The following XK variants were observed in gnomAD, a reference collection of about 807,000 sequenced individuals.
The protein encoded by XK is X-linked Kx blood group antigen, Kell and VPS13A binding protein, also known as endoplasmic reticulum membrane adapter protein XK.
XK carries 2 observed loss-of-function variants against 14.0 expected under a neutral mutation model. That is an observed-to-expected ratio of 0.14 (90% CI 0.06 to 0.45). XK has a LOEUF of 0.45. XK is among the 20% of genes least tolerant of loss of function. The pLI, the probability that XK is intolerant of heterozygous loss-of-function variation, is 0.98. For synonymous variants in XK, 149 were observed against 147.5 expected, an observed-to-expected ratio of 1.01 and a Z score of -0.08; for missense variants, 235 against 341.5, an observed-to-expected ratio of 0.69 and a Z score of 2.46.
At chrX:37,720,890 G>A (rs1201017742) in intron 2 of XK, among the ~76,000 whole-genome samples, 6 of 110,905 alleles carry the variant, frequency 5.4e-5, no homozygotes, top group Admixed American at 1.9e-4. Context: ...ATTATATATC[G>A]CATTTTCTTT....
intron 2 of XK, among the ~76,000 whole-genome samples, chrX:37,696,611 G>A (rs1403380730): frequency 2.7e-5 from 3 of 112,857 alleles, no homozygotes; most frequent in African/African-American, 9.7e-5. Context: ...GCATGGTCTA[G>A]GGTGTGCCAC....
At chrX:37,688,059 CTT>C (rs1222330719) in intron 1 of XK, among the ~76,000 whole-genome samples, 848 of 54,464 alleles carry the variant, frequency 0.016, 17 homozygotes, top group African/African-American at 0.083. Context: ...TTCTTTCTTT[CTT>C]TTTTTTTTTT....
chrX:37,700,770 C>T (rs782366084), intron 2 of XK, among the ~76,000 whole-genome samples: 3 of 110,688 alleles, frequency 2.7e-5, no homozygotes, highest in East Asian at 2.8e-4. Context: ...GACTGAGGTG[C>T]GGGAGGCTTT....
chrX:37,691,504 C>T (rs1602144785), intron 1 of XK, among the ~76,000 whole-genome samples: 2 of 111,849 alleles, frequency 1.8e-5, no homozygotes, highest in South Asian at 7.5e-4. Context: ...GGAAAACAAG[C>T]CCTGATTTTC....
At position 37,727,739 on chromosome X, in the gene XK, G is replaced by A. The variant is rs1556450334; in HGVS notation, c.612G>A (p.Lys204=). The change falls in exon 3 of 3, where the codon AAG becomes AAA. Residue 204 remains lysine (K), a synonymous_variant. Coordinates refer to ENST00000378616, the MANE Select transcript of XK (RefSeq NM_021083.4). ...ACGATGAGTATGAAGTCAAAGTGAA[G>A]CCTCTGGCCTATGTCTGTATCTTCC... is the stretch of plus-strand genomic sequence containing the variant. ...IKYDEYEVKV[K]PLAYVCIFLW... The A allele has an allele frequency of 8.3e-7, 1 of 1,211,378 alleles. No individual in the cohort carries two copies. Among genetic ancestry groups the A allele is most frequent in the Admixed American group, 2.2e-5 (1 of 45,971 alleles).
rs782271500 is a variant in XK, at chrX:37,707,342, C to T, written c.508+12794C>T. On this transcript the variant is annotated intron_variant, in intron 2 of 2. Transcript: ENST00000378616. The stretch of plus-strand genomic sequence containing the variant: ...CCTCCCTCCCGGACGGGGTGGCTGC[C>T]GGGCGGAGATGCTCCTCACTTCCCA... 3.8e-3 allele frequency among the ~76,000 whole-genome samples: 415 copies of T among 107,939 alleles called. 2 individuals are homozygous for T. The highest frequency in any genetic ancestry group is 0.027 in the South Asian group (65 of 2,401). 93.7% of individuals were successfully genotyped at this position (107,939 alleles called of 115,157 possible).
chrX:37,732,065 G>A lies in XK; in HGVS notation c.*3603G>A, dbSNP rs1225225463. Reference sequence around the variant, plus strand: ...TTTCGTTGACTGCTTCTCTGCAGTCGTTGATGCTAATAAATATTGTCCTGT... The same window carrying A: ...TTTCGTTGACTGCTTCTCTGCAGTCATTGATGCTAATAAATATTGTCCTGT... On this transcript the variant is annotated 3_prime_UTR_variant, in exon 3 of 3. Coordinates refer to ENST00000378616, the MANE Select transcript of XK (RefSeq NM_021083.4). 2.7e-5 allele frequency: 3 copies of A among 111,848 alleles called. No homozygotes were observed. Among genetic ancestry groups the A allele is most frequent in the Non-Finnish European group, 5.7e-5 (3 of 53,090 alleles). The allele number at this position is 111,848 out of a possible 1,213,427, so 9.2% of individuals were successfully genotyped here. A position where few individuals can be genotyped will look rare whatever the true frequency, so the allele number is the denominator to read the frequency against.
chrX:37,722,401 A>G (rs1489024474), intron 2 of XK, among the ~76,000 whole-genome samples: 1 of 111,865 alleles, frequency 8.9e-6, no homozygotes, highest in Admixed American at 9.5e-5. Context: ...TAATTGATAC[A>G]GCAAAGTTTT....
At chrX:37,697,750 C>T (rs1927330414) in intron 2 of XK, among the ~76,000 whole-genome samples, 2 of 111,879 alleles carry the variant, frequency 1.8e-5, no homozygotes, top group African/African-American at 6.5e-5. Context: ...ATACAATCAC[C>T]ACCACTGTCT....
Position 37,707,606 on chromosome X carries a change from C to T in XK, c.508+13058C>T, listed in dbSNP as rs782712281. Among the ~76,000 whole-genome samples the T allele has an allele frequency of 2.3e-4, 25 of 108,502 alleles. No individual in the cohort carries two copies. The East Asian group carries it at 2.4e-3, about 10-fold the overall frequency. 94.2% of individuals were successfully genotyped at this position (108,502 alleles called of 115,157 possible). ...GCAGAGATGCTCCTCACCTCTCAGA[C>T]GGGGCAGCGGGGCAGAGCCGCTCCC... is the stretch of plus-strand genomic sequence containing the variant. On this transcript the variant is annotated intron_variant, in intron 2 of 2. Transcript: ENST00000378616.
At position 37,727,988 on chromosome X, in the gene XK, T is replaced by C. The variant is rs1569475581; in HGVS notation, c.861T>C (p.Tyr287=). ...TACTATGCTTTCTAACTTTACTCTATACTGGTATCAACATGTTCTGCTGGT... is the reference window on the plus strand; with the variant it reads ...TACTATGCTTTCTAACTTTACTCTACACTGGTATCAACATGTTCTGCTGGT... ...TIVLCFLTLL[Y]TGINMFCWSA... Residue 287 remains tyrosine, a synonymous_variant, in exon 3 of 3, where the codon TAT becomes TAC. Transcript: ENST00000378616. 1.7e-6 allele frequency: 2 copies of C among 1,211,357 alleles called. No individual in the cohort carries two copies. The highest frequency in any genetic ancestry group is 2.2e-5 in the Admixed American group (1 of 45,913).
chrX:37,697,414 C>T (rs985602212), intron 2 of XK, among the ~76,000 whole-genome samples: 1 of 111,958 alleles, frequency 8.9e-6, no homozygotes, highest in South Asian at 3.7e-4. Flanking sequence ...GAATAGGCAA[C>T]TGACAGTGTC....
chrX:37,685,827 G>A lies in XK; in HGVS notation c.-135G>A. The stretch of plus-strand genomic sequence containing the variant: ...CGGTCGGCCGGGCCCGCGTGCCCTC[G>A]GCGGGCTGCGCAGAGCGCGGGAGCG... On this transcript the variant is annotated 5_prime_UTR_variant, in exon 1 of 3. Coordinates refer to ENST00000378616, the MANE Select transcript of XK (RefSeq NM_021083.4). The A allele has an allele frequency of 1.7e-6, 1 of 584,986 alleles. No individual in the cohort carries two copies. 48.2% of individuals were successfully genotyped at this position (584,986 alleles called of 1,213,427 possible). A position where few individuals can be genotyped will look rare whatever the true frequency, so the allele number is the denominator to read the frequency against.
chrX:37,704,575 C>G (rs1927474893), intron 2 of XK, among the ~76,000 whole-genome samples: 1 of 110,847 alleles, frequency 9.0e-6, no homozygotes, highest in East Asian at 2.8e-4. Flanking sequence ...GTGGCTCACG[C>G]CTGTAATCCC....
chrX:37,729,673 C>T lies in XK; in HGVS notation c.*1211C>T, dbSNP rs1569475713. On this transcript the variant is annotated 3_prime_UTR_variant, in exon 3 of 3. Coordinates refer to ENST00000378616, the MANE Select transcript of XK (RefSeq NM_021083.4). ...CTTGGAAAAATGCGTAGATCTAGTG[C>T]CATTATTTCTACCATTAAAATCTTG... is the stretch of plus-strand genomic sequence containing the variant. 2.7e-5 allele frequency: 3 copies of T among 110,861 alleles called. No individual in the cohort carries two copies. Among genetic ancestry groups the T allele is most frequent in the Admixed American group, 1.9e-4 (2 of 10,401 alleles). The allele number at this position is 110,861 out of a possible 1,213,427, so 9.1% of individuals were successfully genotyped here.
At chrX:37,699,455 A>T (rs1927367768) in intron 2 of XK, among the ~76,000 whole-genome samples, 1 of 112,530 alleles carries the variant, frequency 8.9e-6, no homozygotes, top group Non-Finnish European at 1.9e-5. Context: ...AAGGACAGAC[A>T]TAGGAATATT....
rs782565840 is a variant in XK, at chrX:37,728,514, C to T, written c.*52C>T. On this transcript the variant is annotated 3_prime_UTR_variant, in exon 3 of 3. Transcript: ENST00000378616. ...CATATTATTTTCTGGGTTTGATACT[C>T]GTTATTCATACAAATAATGAGCCCT... 4 of 1,131,495 alleles carry T rather than the reference C, an allele frequency of 3.5e-6. No individual in the cohort carries two copies. The highest frequency in any genetic ancestry group is 3.6e-5 in the South Asian group (2 of 54,889). 93.2% of individuals were successfully genotyped at this position (1,131,495 alleles called of 1,213,427 possible). A position where few individuals can be genotyped will look rare whatever the true frequency, so the allele number is the denominator to read the frequency against.
intron 2 of XK, among the ~76,000 whole-genome samples, chrX:37,698,327 A>G (rs782171121): frequency 9.1e-6 from 1 of 110,399 alleles, no homozygotes; most frequent in Non-Finnish European, 1.9e-5. Flanking sequence ...ATTGAGCCAG[A>G]CACAGTGGCT....
chrX:37,719,260 T>C (rs1480241910), intron 2 of XK, among the ~76,000 whole-genome samples: 4 of 111,768 alleles, frequency 3.6e-5, no homozygotes, highest in African/African-American at 1.3e-4. Context: ...ACTTTCTCTT[T>C]GACTTTGGTG....
Sources: allele counts gnomAD v4.1 joint callset (sites outside exome capture counted in the v4.1 genomes callset), GRCh38; gene constraint gnomAD v4.1.1; transcripts MANE v1.5; gene names NCBI Gene and HGNC (gene_info 2026-07-23, HGNC 2026-07-21).